ADAMTS18: variants seen among roughly 807,000 people sequenced by gnomAD.
The protein encoded by ADAMTS18 is A disintegrin and metalloproteinase with thrombospondin motifs 18.
A neutral mutation model predicts 165.9 loss-of-function variants in ADAMTS18; 157 were observed. The observed-to-expected ratio is 0.95, with a 90% confidence interval of 0.83 to 1.08. ADAMTS18 has a LOEUF of 1.08. ADAMTS18 is among the 50% of genes least tolerant of loss of function. The probability of loss-of-function intolerance (pLI) is 0.00; values close to 1 mark genes in which losing one functional copy is unlikely to be tolerated. For synonymous variants in ADAMTS18, 782 were observed against 578.2 expected (o/e 1.35, Z -5.06); for missense variants, 2,040 against 1,534.0 (o/e 1.33, Z -5.51).
chr16:77,361,689 G>C (rs192390907), intron 7 of ADAMTS18, among the ~76,000 whole-genome samples: 38 of 152,254 alleles, frequency 2.5e-4, no homozygotes, highest in Non-Finnish European at 4.7e-4. Flanking sequence ...TTCGAGACCA[G>C]CCTGGCCAAC....
At position 77,282,230 on chromosome 16, in the gene ADAMTS18, A is replaced by AT. The variant is rs892998769; in HGVS notation, c.*1725dup. 4.9e-4 allele frequency: 74 copies of AT among 152,288 alleles called. No individual in the cohort carries two copies. Among genetic ancestry groups the AT allele is most frequent in the African/African-American group, 1.7e-3 (72 of 41,582 alleles). The allele number at this position is 152,288 out of a possible 1,614,324, so 9.4% of individuals were successfully genotyped here. ...TCTATAATCCATGGTTTTATTCAAC[A>AT]TTTTATCTCAAAATATTACTTAGAG... On this transcript the variant is annotated 3_prime_UTR_variant, in exon 23 of 23. Coordinates refer to ENST00000282849, the MANE Select transcript of ADAMTS18 (RefSeq NM_199355.4).
At chr16:77,351,230 C>A (rs2056551229) in intron 10 of ADAMTS18, among the ~76,000 whole-genome samples, 1 of 152,214 alleles carries the variant, frequency 6.6e-6, no homozygotes, top group South Asian at 2.1e-4. Flanking sequence ...ACCCTACCTT[C>A]TCCATTAACC....
At chr16:77,369,657 T>C (rs923230548) in intron 3 of ADAMTS18, among the ~76,000 whole-genome samples, 1 of 152,216 alleles carries the variant, frequency 6.6e-6, no homozygotes. Flanking sequence ...TGATGATTTC[T>C]ATCAAATTTA....
At chr16:77,293,844 G>A (rs773774135) in intron 19 of ADAMTS18, among the ~76,000 whole-genome samples, 1 of 150,502 alleles carries the variant, frequency 6.6e-6, no homozygotes, top group Non-Finnish European at 1.5e-5. Context: ...TTGACAGGAG[G>A]TGGAGTTTAG....
chr16:77,363,471 C>T (rs531615942), intron 6 of ADAMTS18, among the ~76,000 whole-genome samples: 106 of 152,006 alleles, frequency 7.0e-4, no homozygotes, highest in Non-Finnish European at 1.2e-3. Context: ...ACCTGCTTTG[C>T]GAAGCCTACA....
In ADAMTS18 at chr16:77,434,642, C is replaced by T. The variant is rs1365289820; in HGVS notation, c.54G>A (p.Pro18=). Residue 18 remains proline, a synonymous_variant, in exon 1 of 23, where the codon CCG becomes CCA. Coordinates refer to ENST00000282849, the MANE Select transcript of ADAMTS18 (RefSeq NM_199355.4). ...ACAFPAAGSG[P]PRGLAGLGRV... is the part of the protein sequence containing the mutation. ...GCCCCAGTCCCGCCAGGCCCCTCGG[C>T]GGGCCCGAACCCGCAGCCGGGAAGG... 2.7e-6 allele frequency: 4 copies of T among 1,483,350 alleles called. No individual in the cohort carries two copies. Among genetic ancestry groups the T allele is most frequent in the Admixed American group, 2.3e-5 (1 of 43,788 alleles). 91.9% of individuals were successfully genotyped at this position (1,483,350 alleles called of 1,614,324 possible). A position where few individuals can be genotyped will look rare whatever the true frequency, so the allele number is the denominator to read the frequency against.
intron 10 of ADAMTS18, among the ~76,000 whole-genome samples, chr16:77,349,571 A>G (rs189356718): frequency 3.2e-4 from 49 of 151,632 alleles, no homozygotes; most frequent in Middle Eastern, 3.5e-3. Flanking sequence ...AGCCAGACAA[A>G]GTCATGAATA....
In ADAMTS18 at chr16:77,314,753, CATATATATAT is replaced by C. The variant is rs36191323; in HGVS notation, c.2532+5086_2532+5095del. On this transcript the variant is annotated intron_variant, in intron 16 of 22. Coordinates refer to ENST00000282849, the MANE Select transcript of ADAMTS18 (RefSeq NM_199355.4). ...GTTTGCTAAATATGGTCTCAGGTTT[CATATATATAT>C]ATATATATATATATATATATATAAA... 7.9e-3 allele frequency among the ~76,000 whole-genome samples: 291 copies of C among 36,920 alleles called. 53 individuals carry two copies. Among genetic ancestry groups the C allele is most frequent in the East Asian group, 0.051 (79 of 1,540 alleles). The allele number at this position is 36,920 out of a possible 152,430, so 24.2% of individuals were successfully genotyped here.
At chr16:77,310,772 C>T (rs1567471563) in intron 16 of ADAMTS18, among the ~76,000 whole-genome samples, 1 of 152,070 alleles carries the variant, frequency 6.6e-6, no homozygotes, top group Non-Finnish European at 1.5e-5. Flanking sequence ...GGACTAGCAG[C>T]ATGCACCACA....
intron 11 of ADAMTS18, among the ~76,000 whole-genome samples, chr16:77,341,014 T>C (rs2056389582): frequency 6.6e-6 from 1 of 152,218 alleles, no homozygotes; most frequent in South Asian, 2.1e-4. Flanking sequence ...GCCTTTCAAA[T>C]GAACTTCCCA....
Position 77,285,834 on chromosome 16 carries a change from A to G in ADAMTS18, c.3551-1763T>C, listed in dbSNP as rs886831868. ...ATCTTTAAAATGCACCCAGCATCCA[A>G]CCTCTTCAGTACTGCCACTGCTCTA... On this transcript the variant is annotated intron_variant, in intron 22 of 22. Transcript: ENST00000282849. Among the ~76,000 whole-genome samples, 3 of 151,980 alleles carry G rather than the reference A, an allele frequency of 2.0e-5. No homozygotes were observed. In the East Asian group the frequency reaches 5.8e-4, roughly 29 times the overall value.
chr16:77,300,405 C>T lies in ADAMTS18; in HGVS notation c.2533-1G>A, dbSNP rs757960389. The T allele has an allele frequency of 1.2e-6, 2 of 1,614,032 alleles. No individual in the cohort carries two copies. The highest frequency in any genetic ancestry group is 3.3e-5 in the Admixed American group (2 of 60,016). On this transcript the variant is annotated splice_acceptor_variant, in intron 16 of 22. Coordinates refer to ENST00000282849, the MANE Select transcript of ADAMTS18 (RefSeq NM_199355.4). LOFTEE classifies it high-confidence loss of function. ...CTGGATTTTTGCCTTGCATCAGAAT[C>T]TGGACAGTGTAAGATAAAAATCAGA...
At chr16:77,331,639 A>G (rs1036669247) in intron 12 of ADAMTS18, among the ~76,000 whole-genome samples, 1 of 152,112 alleles carries the variant, frequency 6.6e-6, no homozygotes, top group African/African-American at 2.4e-5. Context: ...CAATGTCTGG[A>G]GACATTTTTG....
At chr16:77,348,298 G>A (rs1177279853) in intron 10 of ADAMTS18, among the ~76,000 whole-genome samples, 1 of 152,084 alleles carries the variant, frequency 6.6e-6, no homozygotes, top group Admixed American at 6.6e-5. Context: ...TGATAATCAT[G>A]AATTGGGGAA....
chr16:77,360,097 G>C (rs1256782588), intron 7 of ADAMTS18, among the ~76,000 whole-genome samples: 1 of 152,074 alleles, frequency 6.6e-6, no homozygotes, highest in Non-Finnish European at 1.5e-5. Flanking sequence ...ATAATCAGTA[G>C]AACAAATCTA....
chr16:77,386,147 G>A (rs12448640), intron 3 of ADAMTS18, among the ~76,000 whole-genome samples: 18,180 of 152,094 alleles, frequency 0.12, 1,381 homozygotes, highest in East Asian at 0.24. Flanking sequence ...CAATTTCTGC[G>A]CAAGACAGCA....
At chr16:77,345,171 C>A (rs1362806848) in intron 10 of ADAMTS18, among the ~76,000 whole-genome samples, 1 of 152,052 alleles carries the variant, frequency 6.6e-6, no homozygotes. Flanking sequence ...GGCTGGATAC[C>A]CCTTCAAGTA....
At chr16:77,310,242 A>G (rs1180296500) in intron 16 of ADAMTS18, among the ~76,000 whole-genome samples, 1 of 152,240 alleles carries the variant, frequency 6.6e-6, no homozygotes, top group East Asian at 1.9e-4. Flanking sequence ...TTCACTCCAT[A>G]CATTTTCTTA....
chr16:77,378,352 A>AC (rs1390487724), intron 3 of ADAMTS18, among the ~76,000 whole-genome samples: 2,162 of 51,172 alleles, frequency 0.042, 51 homozygotes, highest in African/African-American at 0.12. Context: ...AAAAAAAACA[A>AC]AAAAAAAAAA....
Sources: allele counts gnomAD v4.1 joint callset (sites outside exome capture counted in the v4.1 genomes callset), GRCh38; gene constraint gnomAD v4.1.1; transcripts MANE v1.5; gene names NCBI Gene and HGNC (gene_info 2026-07-23, HGNC 2026-07-21).